Variants in STK17A observed in about 807,000 individuals in gnomAD.
STK17A encodes the protein serine/threonine kinase 17a.
Under a neutral mutation model 43.7 loss-of-function variants are expected in STK17A, and 26 were observed. The ratio of observed to expected loss-of-function variants is 0.60; its 90% CI spans 0.44 to 0.83. STK17A has a LOEUF of 0.83. Ranked by LOEUF, STK17A falls within the 40% of genes least tolerant of loss-of-function variation. The pLI is 0.00. For synonymous variants in STK17A, 191 were observed against 182.5 expected (o/e 1.05, Z -0.38); for missense variants, 476 against 511.6 (o/e 0.93, Z 0.67).
intron 2 of STK17A, among the ~76,000 whole-genome samples, chr7:43,598,469 C>CAAA (rs61683967): frequency 5.1e-4 from 41 of 80,406 alleles, no homozygotes; most frequent in East Asian, 1.0e-3. Flanking sequence ...GACTCCGTCT[C>CAAA]AAAAAAAAAA....
chr7:43,606,595 GC>G (rs1478286961), intron 2 of STK17A, among the ~76,000 whole-genome samples: 3 of 152,070 alleles, frequency 2.0e-5, no homozygotes, highest in Non-Finnish European at 4.4e-5. Context: ...AAGTAGTGTT[GC>G]TGTAGTTAAA....
intron 3 of STK17A, among the ~76,000 whole-genome samples, chr7:43,616,765 C>T (rs943844410): frequency 4.6e-5 from 7 of 151,742 alleles, no homozygotes; most frequent in African/African-American, 1.7e-4. Flanking sequence ...GGCGTGGTGG[C>T]GGGCTCCTGT....
At chr7:43,605,268 G>T (rs2082581060) in intron 2 of STK17A, among the ~76,000 whole-genome samples, 1 of 152,148 alleles carries the variant, frequency 6.6e-6, no homozygotes, top group African/African-American at 2.4e-5. Context: ...GGGTTGAGTA[G>T]ATTTTATCCC....
In STK17A at chr7:43,624,601, A is replaced by G; in HGVS notation, c.1004A>G (p.Lys335Arg). The part of the protein sequence containing the change: ...SIQEPSFRME[K>R]ALEEANALQE... ...CAAGAGCCTTCTTTCAGGATGGAAA[A>G]GGCACTAGAAGAAGCAAATGCCCTC... The change falls in exon 7 of 7, where the codon AAG becomes AGG. Residue 335 changes from lysine (K) to arginine (R), a missense_variant. Transcript: ENST00000319357. The G allele has an allele frequency of 1.2e-6, 2 of 1,614,120 alleles. No homozygotes were observed. The highest frequency in any genetic ancestry group is 1.7e-6 in the Non-Finnish European group (2 of 1,180,006).
chr7:43,615,786 C>T (rs1052247504), intron 3 of STK17A, among the ~76,000 whole-genome samples: 2 of 152,162 alleles, frequency 1.3e-5, no homozygotes, highest in Non-Finnish European at 2.9e-5. Flanking sequence ...CTCTATACTT[C>T]TCTTCCCTCT....
chr7:43,606,193 C>T (rs1667103576), intron 2 of STK17A, among the ~76,000 whole-genome samples: 1 of 152,150 alleles, frequency 6.6e-6, no homozygotes, highest in South Asian at 2.1e-4. Flanking sequence ...AATTATCTTT[C>T]TATCTCTAGG....
chr7:43,592,039 A>G (rs372253914), intron 1 of STK17A, among the ~76,000 whole-genome samples: 1 of 151,604 alleles, frequency 6.6e-6, no homozygotes, highest in Non-Finnish European at 1.5e-5. Flanking sequence ...ATTTACCAGG[A>G]ACATGTTTGC....
rs139465147 is a variant in STK17A, at chr7:43,606,464, A to G, written c.420-1792A>G. 8.2e-3 allele frequency among the ~76,000 whole-genome samples: 1,246 copies of G among 152,310 alleles called. 22 individuals carry two copies. The highest frequency in any genetic ancestry group is 0.028 in the African/African-American group (1,150 of 41,554). On this transcript the variant is annotated intron_variant, in intron 2 of 6. Coordinates refer to ENST00000319357, the MANE Select transcript of STK17A (RefSeq NM_004760.3). ...AAGATAATCATCTCACAACTTTCCA[A>G]TGACCACTAGAAAGTTGAAATTTTA...
At chr7:43,603,200 G>C (rs1327476329) in intron 2 of STK17A, among the ~76,000 whole-genome samples, 2 of 152,094 alleles carry the variant, frequency 1.3e-5, no homozygotes, top group African/African-American at 4.8e-5. Flanking sequence ...ACGTTTGGTG[G>C]CTTCTGTTTC....
At chr7:43,592,457 A>G (rs1021971064) in intron 1 of STK17A, among the ~76,000 whole-genome samples, 2 of 152,202 alleles carry the variant, frequency 1.3e-5, no homozygotes, top group South Asian at 2.1e-4. Flanking sequence ...CATGGAGGAC[A>G]TGAAAATTAT....
intron 4 of STK17A, among the ~76,000 whole-genome samples, chr7:43,621,067 C>T (rs949253940): frequency 6.6e-6 from 1 of 152,008 alleles, no homozygotes; most frequent in Non-Finnish European, 1.5e-5. Flanking sequence ...AAGAGCTATC[C>T]GGAGCACAGA....
chr7:43,588,296 G>T (rs1200156006), intron 1 of STK17A, among the ~76,000 whole-genome samples: 1 of 151,474 alleles, frequency 6.6e-6, no homozygotes, highest in Non-Finnish European at 1.5e-5. Context: ...TCACTGCCCT[G>T]TATGGTAAAG....
In STK17A at chr7:43,626,867, TA is replaced by T. The variant is rs1239679174; in HGVS notation, c.*2028del. ...GCGTATCTTTAGCTGCTGTTGTGCT[TA>T]AATACTGAGTCATAGGGTGCTTTTT... is the stretch of plus-strand genomic sequence containing the variant. On this transcript the variant is annotated 3_prime_UTR_variant, in exon 7 of 7. Coordinates refer to ENST00000319357, the MANE Select transcript of STK17A (RefSeq NM_004760.3). 1 of 152,218 alleles carries T rather than the reference TA, an allele frequency of 6.6e-6. No homozygotes were observed. Among genetic ancestry groups the T allele is most frequent in the Non-Finnish European group, 1.5e-5 (1 of 68,042 alleles). The allele number at this position is 152,218 out of a possible 1,614,324, so 9.4% of individuals were successfully genotyped here.
intron 2 of STK17A, among the ~76,000 whole-genome samples, chr7:43,605,204 A>G (rs1178859407): frequency 4.6e-5 from 7 of 152,068 alleles, no homozygotes; most frequent in Non-Finnish European, 1.0e-4. Flanking sequence ...AATTTGTGGC[A>G]TTTTCAGATA....
intron 3 of STK17A, among the ~76,000 whole-genome samples, chr7:43,614,114 G>T (rs2083126025): frequency 6.6e-6 from 1 of 152,088 alleles, no homozygotes; most frequent in Admixed American, 6.5e-5. Context: ...GACACCCTAA[G>T]CCTTATTGAG....
At chr7:43,613,295 T>C (rs911418466) in intron 3 of STK17A, among the ~76,000 whole-genome samples, 4 of 152,186 alleles carry the variant, frequency 2.6e-5, no homozygotes, top group African/African-American at 9.6e-5. Context: ...AAGTATTTCA[T>C]TGAATCCACA....
At chr7:43,593,020 A>G (rs986084716) in intron 1 of STK17A, among the ~76,000 whole-genome samples, 5 of 152,246 alleles carry the variant, frequency 3.3e-5, no homozygotes, top group Non-Finnish European at 7.3e-5. Context: ...TAGTGTGCTC[A>G]TCACCTAAAT....
intron 1 of STK17A, among the ~76,000 whole-genome samples, chr7:43,586,509 C>G (rs2082440427): frequency 6.6e-6 from 1 of 151,382 alleles, no homozygotes; most frequent in South Asian, 2.1e-4. Flanking sequence ...TGTTACCTTT[C>G]TTTGAGTCAG....
intron 2 of STK17A, among the ~76,000 whole-genome samples, chr7:43,598,769 G>GTT (rs1008561153): frequency 6.9e-6 from 1 of 145,226 alleles, no homozygotes. Flanking sequence ...TTGGTTTTTG[G>GTT]TTTTTTTTTT....
Sources: gnomAD v4.1 joint callset for allele counts (sites outside exome capture counted in the v4.1 genomes callset) on GRCh38, gnomAD v4.1.1 for gene constraint, MANE v1.5 for transcripts, NCBI Gene and HGNC (gene_info 2026-07-23, HGNC 2026-07-21) for gene names.